PRKN: variants seen among roughly 807,000 people sequenced by gnomAD.
PRKN encodes the protein E3 ubiquitin-protein ligase parkin.
In PRKN, 56 loss-of-function variants were observed where a neutral mutation model predicts 59.5. The ratio of observed to expected loss-of-function variants is 0.94; its 90% confidence interval spans 0.76 to 1.18. The LOEUF (loss-of-function observed/expected upper bound fraction) is 1.18, where lower values mean the gene tolerates loss of function less well. PRKN is among the 50% of genes most tolerant of loss of function. PRKN has a pLI of 0.00. For missense variants in PRKN, 657 were observed against 596.4 expected, an observed-to-expected ratio of 1.10 and a Z score of -1.06; for synonymous variants, 250 against 222.1, an observed-to-expected ratio of 1.13 and a Z score of -1.12.
At chr6:162,504,417 C>CA (rs1430341711) in intron 1 of PRKN, among the ~76,000 whole-genome samples, 2 of 151,914 alleles carry the variant, frequency 1.3e-5, no homozygotes, top group Non-Finnish European at 1.5e-5. Flanking sequence ...TAAAAACACA[C>CA]AAAAAATGTT....
intron 2 of PRKN, among the ~76,000 whole-genome samples, chr6:162,389,657 A>C (rs1193181422): frequency 6.6e-6 from 1 of 152,214 alleles, no homozygotes; most frequent in Non-Finnish European, 1.5e-5. Context: ...TAATATCTGT[A>C]TAAACCAGAC....
chr6:162,187,920 C>CTCTTAAA (rs530698311), intron 4 of PRKN, among the ~76,000 whole-genome samples: 2 of 152,248 alleles, frequency 1.3e-5, no homozygotes, highest in African/African-American at 4.8e-5. Flanking sequence ...CCACCCAAAT[C>CTCTTAAA]TCATCTTAAA....
chr6:161,496,333 T>G (rs1345324633), intron 9 of PRKN, among the ~76,000 whole-genome samples: 3 of 152,200 alleles, frequency 2.0e-5, no homozygotes, highest in Non-Finnish European at 4.4e-5. Flanking sequence ...GGAAATAGTG[T>G]CATTGTGGAT....
intron 2 of PRKN, among the ~76,000 whole-genome samples, chr6:162,359,025 A>G (rs1331913408): frequency 6.8e-6 from 1 of 146,432 alleles, no homozygotes; most frequent in East Asian, 2.0e-4. Context: ...GTGCTACTGC[A>G]CACCATCCTG....
chr6:161,585,316 G>A lies in PRKN; in HGVS notation c.872-15900C>T, dbSNP rs150665487. 8.3e-3 allele frequency among the ~76,000 whole-genome samples: 1,267 copies of A among 152,258 alleles called. 14 individuals are homozygous for A. The highest frequency in any genetic ancestry group is 0.029 in the African/African-American group (1,188 of 41,552). On this transcript the variant is annotated intron_variant, in intron 7 of 11. Coordinates refer to ENST00000366898, the MANE Select transcript of PRKN (RefSeq NM_004562.3). The stretch of plus-strand genomic sequence containing the variant: ...TTTGGTTTTCTTGTATTTGTGAAAC[G>A]TGGCTTAGCTGTGTATTATGGCTTT...
intron 10 of PRKN, among the ~76,000 whole-genome samples, chr6:161,364,466 C>T (rs1168371037): frequency 2.6e-5 from 3 of 115,816 alleles, no homozygotes; most frequent in Non-Finnish European, 3.5e-5. Flanking sequence ...TGCCACCACC[C>T]GCCCCGCAAA....
At position 161,498,060 on chromosome 6, in the gene PRKN, A is replaced by C. The variant is rs1039363487; in HGVS notation, c.1083+50794T>G. On this transcript the variant is annotated intron_variant, in intron 9 of 11. Coordinates refer to ENST00000366898, the MANE Select transcript of PRKN (RefSeq NM_004562.3). The surrounding 1 kb of genome is among the most constrained non-coding windows in gnomAD (Gnocchi z 4.2). ...ATTTTCCACAGTGGGAGGACTCACAAGCACTGAGACTGGCTTTTTTCATTA... is the reference window on the plus strand; with the variant it reads ...ATTTTCCACAGTGGGAGGACTCACACGCACTGAGACTGGCTTTTTTCATTA... Among the ~76,000 whole-genome samples the C allele has an allele frequency of 1.3e-5, 2 of 152,174 alleles. No individual in the cohort carries two copies. Among genetic ancestry groups the C allele is most frequent in the Non-Finnish European group, 2.9e-5 (2 of 68,042 alleles).
intron 3 of PRKN, among the ~76,000 whole-genome samples, chr6:162,256,045 G>T (rs563626036): frequency 6.6e-6 from 1 of 152,162 alleles, no homozygotes; most frequent in African/African-American, 2.4e-5. Flanking sequence ...TAACACCAAA[G>T]GTAGTCAACC....
chr6:162,685,874 T>C (rs1439373268), intron 1 of PRKN, among the ~76,000 whole-genome samples: 2 of 152,100 alleles, frequency 1.3e-5, no homozygotes, highest in East Asian at 3.9e-4. Flanking sequence ...AGTGTGAAGG[T>C]CAGTCTGCGT....
intron 1 of PRKN, among the ~76,000 whole-genome samples, chr6:162,574,585 C>G (rs947881254): frequency 1.3e-5 from 2 of 152,076 alleles, no homozygotes; most frequent in Admixed American, 1.3e-4. Flanking sequence ...CTTGGACATT[C>G]CTGTAGTTTT....
chr6:162,600,086 A>G (rs1252436474), intron 1 of PRKN, among the ~76,000 whole-genome samples: 1 of 152,184 alleles, frequency 6.6e-6, no homozygotes, highest in Admixed American at 6.5e-5. Flanking sequence ...CCCAACACAG[A>G]TCAAGATGAA....
chr6:161,529,921 A>G lies in PRKN; in HGVS notation c.1083+18933T>C, dbSNP rs1288307793. The stretch of plus-strand genomic sequence containing the variant: ...GAGGGACCAGTTCCTTTTCCACGGC[A>G]TATATAATAAAATAACACAGGAACA... On this transcript the variant is annotated intron_variant, in intron 9 of 11. Transcript: ENST00000366898. This position sits in a 1 kb window ranked among gnomAD's most constrained non-coding sequence, Gnocchi z 4.4. 6.6e-6 allele frequency among the ~76,000 whole-genome samples: 1 copy of G among 152,220 alleles called. No homozygotes were observed. Among genetic ancestry groups the G allele is most frequent in the African/African-American group, 2.4e-5 (1 of 41,452 alleles).
rs571446231 is a variant in PRKN, at chr6:161,575,291, C to G, written c.872-5875G>C. On this transcript the variant is annotated intron_variant, in intron 7 of 11. Transcript: ENST00000366898. This position sits in a 1 kb window ranked among gnomAD's most constrained non-coding sequence, Gnocchi z 4.6. Reference sequence around the variant, plus strand: ...CATTTACTTTTATTCTGTTGCTATACCATAAAGGTCATTTTATCATCTAAC... The same window carrying G: ...CATTTACTTTTATTCTGTTGCTATAGCATAAAGGTCATTTTATCATCTAAC... Among the ~76,000 whole-genome samples the G allele has an allele frequency of 6.6e-6, 1 of 152,138 alleles. No individual in the cohort carries two copies. The highest frequency in any genetic ancestry group is 1.9e-4 in the East Asian group (1 of 5,200).
At chr6:162,184,646 A>G (rs1306323024) in intron 4 of PRKN, among the ~76,000 whole-genome samples, 1 of 152,000 alleles carries the variant, frequency 6.6e-6, no homozygotes, top group Non-Finnish European at 1.5e-5. Context: ...AGTCAGTCAA[A>G]CCTGTTTTCT....
At chr6:161,624,724 A>T (rs935480291) in intron 7 of PRKN, among the ~76,000 whole-genome samples, 1 of 152,242 alleles carries the variant, frequency 6.6e-6, no homozygotes, top group African/African-American at 2.4e-5. Context: ...TCAAGGTTGC[A>T]GATGGACACA....
intron 2 of PRKN, among the ~76,000 whole-genome samples, chr6:162,353,570 T>C (rs1784714154): frequency 6.6e-6 from 1 of 152,094 alleles, no homozygotes; most frequent in Non-Finnish European, 1.5e-5. Flanking sequence ...ATATTAAAGG[T>C]AAGACAATAT....
chr6:162,289,553 C>G (rs997143998), intron 2 of PRKN, among the ~76,000 whole-genome samples: 1 of 151,814 alleles, frequency 6.6e-6, no homozygotes, highest in Middle Eastern at 3.2e-3. Context: ...AAAAATTAGC[C>G]GGGCATGATG....
In PRKN at chr6:161,672,284, T is replaced by C. The variant is rs1218987528; in HGVS notation, c.872-102868A>G. ...AACCCCAAACCCTGAACACCATTAA[T>C]TCACCATATGTCAACTTAAAAAAAT... On this transcript the variant is annotated intron_variant, in intron 7 of 11. Coordinates refer to ENST00000366898, the MANE Select transcript of PRKN (RefSeq NM_004562.3). 2.0e-5 allele frequency among the ~76,000 whole-genome samples: 3 copies of C among 152,208 alleles called. No homozygotes were observed. In the South Asian group the frequency reaches 6.2e-4, roughly 32 times the overall value.
intron 2 of PRKN, among the ~76,000 whole-genome samples, chr6:162,288,929 A>G (rs1781310969): frequency 6.6e-6 from 1 of 152,138 alleles, no homozygotes; most frequent in African/African-American, 2.4e-5. Flanking sequence ...ACCATTGTGA[A>G]GTCTGTTTTT....
Sources: allele counts gnomAD v4.1 joint callset (sites outside exome capture counted in the v4.1 genomes callset), GRCh38; gene constraint gnomAD v4.1.1; non-coding constraint Gnocchi (gnomAD v3.1); transcripts MANE v1.5; gene names NCBI Gene and HGNC (gene_info 2026-07-23, HGNC 2026-07-21).